Variants in KCTD2 observed in about 807,000 individuals in gnomAD.
KCTD2 encodes the protein BTB/POZ domain-containing protein KCTD2.
In KCTD2, 18 loss-of-function variants were observed where a neutral mutation model predicts 27.9. The ratio of observed to expected loss-of-function variants is 0.64; its 90% CI spans 0.45 to 0.96. The LOEUF (loss-of-function observed/expected upper bound fraction) is 0.96. Ranked by LOEUF, KCTD2 falls within the 40% of genes least tolerant of loss-of-function variation. The probability of loss-of-function intolerance (pLI) is 0.00; values close to 1 mark genes in which losing one functional copy is unlikely to be tolerated. For synonymous variants in KCTD2, 175 were observed against 148.4 expected (o/e 1.18, Z -1.30); for missense variants, 280 against 348.0 (o/e 0.80, Z 1.56).
chr17:75,057,234 G>A (rs138660863), intron 3 of KCTD2, among the ~76,000 whole-genome samples: 3,134 of 151,986 alleles, frequency 0.021, 47 homozygotes, highest in Non-Finnish European at 0.032. Context: ...GATTACAGGC[G>A]TGAGCAACCA....
chr17:75,033,630 TCA>T (rs1032791970), intron 1 of KCTD2, among the ~76,000 whole-genome samples: 1 of 152,176 alleles, frequency 6.6e-6, no homozygotes, highest in African/African-American at 2.4e-5. Context: ...CCTCCAAACC[TCA>T]GTCTTCATAC....
intron 4 of KCTD2, among the ~76,000 whole-genome samples, chr17:75,060,796 G>A (rs919159388): frequency 6.6e-5 from 10 of 152,224 alleles, no homozygotes; most frequent in African/African-American, 2.4e-4. Flanking sequence ...CAGGTCAACA[G>A]CTGTCTCACC....
chr17:75,034,141 C>G (rs1399824714), intron 2 of KCTD2: 1 of 152,252 alleles, frequency 6.6e-6, no homozygotes, highest in Non-Finnish European at 1.5e-5. Context: ...TTGCCAAGCC[C>G]TTGAATGAAC....
Position 75,051,574 on chromosome 17 carries a change from A to C in KCTD2, c.449-1440A>C, listed in dbSNP as rs551495513. On this transcript the variant is annotated intron_variant, in intron 2 of 5. Coordinates refer to ENST00000322444, the MANE Select transcript of KCTD2 (RefSeq NM_015353.3). ...GCTGCGATTACAGGCGTGAGCCACC[A>C]TGCCCGACCTTTTTTTTTTTTAAAT... Among the ~76,000 whole-genome samples, 4 of 145,818 alleles carry C rather than the reference A, an allele frequency of 2.7e-5. No individual in the cohort carries two copies. In the East Asian group the frequency reaches 8.0e-4, roughly 29 times the overall value.
chr17:75,063,172 A>T lies in KCTD2; in HGVS notation c.*125A>T. 1 of 934,428 alleles carries T rather than the reference A, an allele frequency of 1.1e-6. No individual in the cohort carries two copies. The highest frequency in any genetic ancestry group is 1.7e-6 in the Non-Finnish European group (1 of 580,828). The allele number at this position is 934,428 out of a possible 1,614,324, so 57.9% of individuals were successfully genotyped here. On this transcript the variant is annotated 3_prime_UTR_variant, in exon 6 of 6. Coordinates refer to ENST00000322444, the MANE Select transcript of KCTD2 (RefSeq NM_015353.3). ...GCACAGCTGATCCTGGCCCCCTGTG[A>T]AGAAGTGTTCTGGTCAAAACTAAAG...
chr17:75,038,720 G>A (rs28438465), intron 3 of KCTD2: 9,083 of 517,188 alleles, frequency 0.018, 658 homozygotes, highest in African/African-American at 0.16. Context: ...AGTAAGTGGC[G>A]CCTACACAGC....
chr17:75,042,574 G>C (rs1370583347), upstream of KCTD2: 1 of 1,612,910 alleles, frequency 6.2e-7, no homozygotes, highest in Admixed American at 1.7e-5. Flanking sequence ...ACTAGCAATG[G>C]CCTTTTGGTT....
chr17:75,054,924 G>A (rs1002014807), intron 3 of KCTD2, among the ~76,000 whole-genome samples: 1 of 152,050 alleles, frequency 6.6e-6, no homozygotes, highest in East Asian at 1.9e-4. Context: ...AGGCAGAGTC[G>A]TGCTCCACCA....
Position 75,063,076 on chromosome 17 carries a change from A to C in KCTD2, c.*29A>C. The C allele has an allele frequency of 6.2e-7, 1 of 1,609,602 alleles. No individual in the cohort carries two copies. The highest frequency in any genetic ancestry group is 8.5e-7 in the Non-Finnish European group (1 of 1,176,212). ...AAGACCCCGAAAACTCCAGACCTTCAGGAGAGCAGTCAGCAGAGCCCCTCT... is the reference window on the plus strand; with the variant it reads ...AAGACCCCGAAAACTCCAGACCTTCCGGAGAGCAGTCAGCAGAGCCCCTCT... On this transcript the variant is annotated 3_prime_UTR_variant, in exon 6 of 6. Coordinates refer to ENST00000322444, the MANE Select transcript of KCTD2 (RefSeq NM_015353.3).
chr17:75,036,987 T>C (rs535894789), intron 3 of KCTD2, among the ~76,000 whole-genome samples: 1 of 152,324 alleles, frequency 6.6e-6, no homozygotes, highest in African/African-American at 2.4e-5. Flanking sequence ...CCTCTGCTTA[T>C]GTTAAGACTA....
At chr17:75,042,017 C>A in intron 3 of KCTD2, 1 of 588,896 alleles carries the variant, frequency 1.7e-6, no homozygotes. Flanking sequence ...TAAATTCCTG[C>A]ACCTATTTAC....
chr17:75,052,531 G>T (rs945288312), intron 2 of KCTD2, among the ~76,000 whole-genome samples: 1 of 152,262 alleles, frequency 6.6e-6, no homozygotes, highest in African/African-American at 2.4e-5. Context: ...AGACCAGCCT[G>T]ACCAACATGA....
chr17:75,039,405 G>A, intron 3 of KCTD2: 1 of 739,938 alleles, frequency 1.4e-6, no homozygotes. Flanking sequence ...CCCTGAGTGG[G>A]GGCGCTCACT....
At chr17:75,050,281 TTTTTC>T (rs2144927018) in intron 2 of KCTD2, among the ~76,000 whole-genome samples, 1 of 152,158 alleles carries the variant, frequency 6.6e-6, no homozygotes, top group Non-Finnish European at 1.5e-5. Context: ...GTACATGAGA[TTTTTC>T]TTTTTTTTTT....
In KCTD2 at chr17:75,047,228, A is replaced by G. The variant is rs1423543252; in HGVS notation, c.-23A>G. 1.5e-5 allele frequency: 10 copies of G among 662,542 alleles called. No individual in the cohort carries two copies. The highest frequency in any genetic ancestry group is 9.6e-5 in the East Asian group (1 of 10,424). 41.0% of individuals were successfully genotyped at this position (662,542 alleles called of 1,614,324 possible). ...GCCGGCCCGGCTGCGCGCGGGCAGC[A>G]GCGGTGGCGGCGGCGGTCCAAGATG... On this transcript the variant is annotated 5_prime_UTR_variant, in exon 1 of 6. Transcript: ENST00000322444.
chr17:75,058,752 C>T (rs961045182), intron 3 of KCTD2, among the ~76,000 whole-genome samples: 6 of 150,758 alleles, frequency 4.0e-5, no homozygotes, highest in East Asian at 2.0e-4. Flanking sequence ...GAGCTGAGAT[C>T]GCGCCACTGT....
chr17:75,038,723 T>C (rs55642052), intron 3 of KCTD2: 6,926 of 547,836 alleles, frequency 0.013, 369 homozygotes, highest in African/African-American at 0.12. Context: ...AAGTGGCGCC[T>C]ACACAGCCCG....
At chr17:75,036,092 C>T in intron 3 of KCTD2, 2 of 453,378 alleles carry the variant, frequency 4.4e-6, no homozygotes, top group Non-Finnish European at 8.8e-6. Context: ...CTCGCTCTGT[C>T]ACCCAGGGTG....
rs549874123 is a variant in KCTD2, at chr17:75,034,484, A to T, written c.-385+367A>T. On this transcript the variant is annotated intron_variant, in intron 2 of 7. Coordinates refer to the KCTD2 transcript ENST00000581589. The stretch of plus-strand genomic sequence containing the variant: ...CCCTGGCTTAGGAGGCCAGTGCCTT[A>T]TCCATTAGGCCACTGGGGCGCGGTA... Among the ~76,000 whole-genome samples, 7 of 152,284 alleles carry T rather than the reference A, an allele frequency of 4.6e-5. No homozygotes were observed. The East Asian group carries it at 1.2e-3, about 25-fold the overall frequency.
Sources: gnomAD v4.1 joint callset for allele counts (sites outside exome capture counted in the v4.1 genomes callset) on GRCh38, gnomAD v4.1.1 for gene constraint, MANE v1.5 for transcripts, NCBI Gene and HGNC (gene_info 2026-07-23, HGNC 2026-07-21) for gene names.